Variants in PRH1 observed in about 807,000 individuals in gnomAD.
PRH1 encodes the protein salivary acidic proline-rich phosphoprotein 1/2.
Under a neutral mutation model 7.9 loss-of-function variants are expected in PRH1, and 7 were observed. That is an observed-to-expected ratio of 0.89 (90% CI 0.50 to 1.67). The LOEUF is 1.67. PRH1 is among the 40% of genes most tolerant of loss of function. The probability of loss-of-function intolerance (pLI) is 0.00; values close to 1 mark genes in which losing one functional copy is unlikely to be tolerated. For synonymous variants in PRH1, 45 were observed against 80.8 expected, an observed-to-expected ratio of 0.56 and a Z score of 2.38; for missense variants, 109 against 223.6, an observed-to-expected ratio of 0.49 and a Z score of 3.27.
intron 1 of PRH1, among the ~76,000 whole-genome samples, chr12:11,016,936 A>G (rs912168180): frequency 4.6e-5 from 7 of 152,230 alleles, no homozygotes; most frequent in African/African-American, 1.4e-4. Flanking sequence ...TGAAAGTTGC[A>G]GGGGATGGTA....
intron 1 of PRH1, among the ~76,000 whole-genome samples, chr12:10,982,158 T>C (rs1004896555): frequency 2.0e-5 from 3 of 152,158 alleles, no homozygotes; most frequent in Non-Finnish European, 4.4e-5. Context: ...CTGACCTGTA[T>C]ACCAAGGGAC....
downstream of PRH1, among the ~76,000 whole-genome samples, chr12:11,119,627 C>A (rs1334413410): frequency 1.3e-5 from 2 of 151,984 alleles, no homozygotes; most frequent in Non-Finnish European, 1.5e-5. Context: ...ATAAGGTAAA[C>A]TAATATGCCC....
rs529097084 is a variant in PRH1, at chr12:11,128,897, T to G, written n.40-7717A>C. ...ATTATTGATTTGATCCTGTTTCTCT[T>G]GATATTTGACACCAGTGAGAACTTC... On this transcript the variant is annotated intron_variant and non_coding_transcript_variant, in intron 1 of 1. Transcript: ENST00000541175. Among the ~76,000 whole-genome samples, 6 of 152,322 alleles carry G rather than the reference T, an allele frequency of 3.9e-5. No individual in the cohort carries two copies. The East Asian group carries it at 1.2e-3, about 29-fold the overall frequency.
At chr12:10,985,914 A>G in intron 1 of PRH1, 1 of 1,535,824 alleles carries the variant, frequency 6.5e-7, no homozygotes, top group Non-Finnish European at 8.8e-7. Flanking sequence ...TACACACACA[A>G]TGTCCCACTT....
chr12:11,125,896 T>TTAAAA (rs1555170127), intron 1 of PRH1, among the ~76,000 whole-genome samples: 1 of 72,830 alleles, frequency 1.4e-5, no homozygotes, highest in Non-Finnish European at 2.9e-5. Context: ...AAAATTAATT[T>TTAAAA]AAAGTTTAAA....
At chr12:10,931,713 C>T (rs1316181773) in intron 2 of PRH1, among the ~76,000 whole-genome samples, 65 of 152,212 alleles carry the variant, frequency 4.3e-4, no homozygotes, top group African/African-American at 1.5e-3. Flanking sequence ...ATTTTCCCAC[C>T]ACTAATACCA....
intron 1 of PRH1, among the ~76,000 whole-genome samples, chr12:11,170,115 T>A (rs1467180882): frequency 1.3e-5 from 2 of 152,184 alleles, no homozygotes; most frequent in Non-Finnish European, 2.9e-5. Context: ...ATGAAGACGG[T>A]GTGTGCGATT....
In PRH1 at chr12:11,133,933, C is replaced by T. The variant is rs537863686; in HGVS notation, n.40-12753G>A. On this transcript the variant is annotated intron_variant and non_coding_transcript_variant, in intron 1 of 1. Coordinates refer to the PRH1 transcript ENST00000541175. ...AATTGGCAATCCTGAGCAAATAAAACATGCTGAGGCTAGTAGCAAGCCAGC... is the reference window on the plus strand; with the variant it reads ...AATTGGCAATCCTGAGCAAATAAAATATGCTGAGGCTAGTAGCAAGCCAGC... The T allele has an allele frequency of 3.3e-5, 54 of 1,614,060 alleles. No individual in the cohort carries two copies. Among genetic ancestry groups the T allele is most frequent in the Middle Eastern group, 1.6e-4 (1 of 6,062 alleles).
chr12:10,981,901 C>A, intron 1 of PRH1, among the ~76,000 whole-genome samples: 1 of 144,354 alleles, frequency 6.9e-6, no homozygotes, highest in African/African-American at 2.5e-5. Flanking sequence ...TACTATGTTG[C>A]CAAGGCTGAT....
intron 2 of PRH1, chr12:10,897,002 A>G (rs1376256584): frequency 4.6e-5 from 7 of 152,176 alleles, no homozygotes; most frequent in Non-Finnish European, 1.0e-4. Flanking sequence ...ACATGTAAGT[A>G]GTCCAACTAC....
chr12:11,077,882 G>A lies in PRH1; in HGVS notation n.124-30694C>T, dbSNP rs1162238338. ...ACAACACTCCTAATTCTCTTCTTTA[G>A]GTGGAGAAAAATAAGGTTGGAGAAA... is the stretch of plus-strand genomic sequence containing the variant. On this transcript the variant is annotated intron_variant and non_coding_transcript_variant, in intron 1 of 4. Coordinates refer to the PRH1 transcript ENST00000541977. 1.1e-4 allele frequency: 105 copies of A among 989,326 alleles called. 13 individuals carry two copies. The Middle Eastern group carries it at 1.6e-3, about 15-fold the overall frequency. The allele number at this position is 989,326 out of a possible 1,614,324, so 61.3% of individuals were successfully genotyped here.
chr12:11,056,482 T>C (rs1159132836), intron 1 of PRH1, among the ~76,000 whole-genome samples: 1 of 152,174 alleles, frequency 6.6e-6, no homozygotes, highest in Non-Finnish European at 1.5e-5. Flanking sequence ...GGTATAGCTA[T>C]GATCTGAGAC....
intron 1 of PRH1, among the ~76,000 whole-genome samples, chr12:10,978,310 A>G (rs1276985799): frequency 6.6e-6 from 1 of 152,200 alleles, no homozygotes; most frequent in Non-Finnish European, 1.5e-5. Context: ...AAAACAAGCA[A>G]TGGGGACAGA....
chr12:11,159,983 T>C (rs1947364936), intron 1 of PRH1, among the ~76,000 whole-genome samples: 1 of 152,182 alleles, frequency 6.6e-6, no homozygotes, highest in Non-Finnish European at 1.5e-5. Context: ...ACACTAATGA[T>C]GTCTATTTAT....
At chr12:10,993,482 A>G (rs1269451715) in intron 1 of PRH1, among the ~76,000 whole-genome samples, 1 of 152,218 alleles carries the variant, frequency 6.6e-6, no homozygotes, top group African/African-American at 2.4e-5. Flanking sequence ...ATGAACAAGA[A>G]GATTCAGTGA....
At chr12:10,969,619 A>C (rs1938693729) in intron 2 of PRH1, among the ~76,000 whole-genome samples, 1 of 152,088 alleles carries the variant, frequency 6.6e-6, no homozygotes, top group East Asian at 1.9e-4. Flanking sequence ...AGCAAATAGC[A>C]CCTGCTCTTT....
chr12:11,086,678 C>T (rs1944712910), intron 1 of PRH1, among the ~76,000 whole-genome samples: 1 of 133,994 alleles, frequency 7.5e-6, no homozygotes, highest in Non-Finnish European at 1.7e-5. Context: ...CTTTGGGAGG[C>T]TGAGGCAGGT....
At chr12:11,005,656 A>C (rs1052966312) in intron 1 of PRH1, among the ~76,000 whole-genome samples, 12 of 152,112 alleles carry the variant, frequency 7.9e-5, no homozygotes, top group Non-Finnish European at 1.6e-4. Flanking sequence ...CACGCCCCTC[A>C]TGGATGGGAG....
At position 11,097,565 on chromosome 12, in the gene PRH1, AAAAT is replaced by A. The variant is rs1945102608; in HGVS notation, n.124-50381_124-50378del. On this transcript the variant is annotated intron_variant and non_coding_transcript_variant, in intron 1 of 4. Coordinates refer to the PRH1 transcript ENST00000541977. The stretch of plus-strand genomic sequence containing the variant: ...ATTATTTGCTTAAGCAATGTACTGT[AAAAT>A]AAACTACACTTAATTTCTAAATCTA... Among the ~76,000 whole-genome samples the A allele has an allele frequency of 1.7e-5, 2 of 115,356 alleles. 1 individual carries two copies. Among genetic ancestry groups the A allele is most frequent in the Non-Finnish European group, 4.1e-5 (2 of 48,458 alleles). The allele number at this position is 115,356 out of a possible 152,430, so 75.7% of individuals were successfully genotyped here.
Sources: gnomAD v4.1 joint callset for allele counts (sites outside exome capture counted in the v4.1 genomes callset) on GRCh38, gnomAD v4.1.1 for gene constraint, MANE v1.5 for transcripts, NCBI Gene and HGNC (gene_info 2026-07-23, HGNC 2026-07-21) for gene names.